The following TMEM11 variants were observed in gnomAD, a reference collection of about 807,000 sequenced individuals.
TMEM11 encodes the protein transmembrane protein 11.
Under a neutral mutation model 17.0 loss-of-function variants are expected in TMEM11, and 1 was observed. The ratio of observed to expected loss-of-function variants is 0.06; its 90% CI spans 0.02 to 0.28. The LOEUF (loss-of-function observed/expected upper bound fraction) is 0.28, where lower values mean the gene tolerates loss of function less well. Among genes scored for constraint, TMEM11 ranks in the 10% least tolerant of loss-of-function variants. The pLI is 1.00. For synonymous variants in TMEM11, 122 were observed against 118.1 expected (o/e 1.03, Z -0.21); for missense variants, 172 against 252.9 (o/e 0.68, Z 2.17).
Position 21,198,149 on chromosome 17 carries a change from A to T in TMEM11, c.*175T>A. On this transcript the variant is annotated 3_prime_UTR_variant, in exon 2 of 2. Transcript: ENST00000317635. The surrounding 1 kb of genome is among the most constrained non-coding windows in gnomAD (Gnocchi z 6.5). Reference sequence around the variant, plus strand: ...CTTGGGTTATGGAAATCCACATCTTAGTGTAATGAGCTGAAAAACCCTGGG... The same window carrying T: ...CTTGGGTTATGGAAATCCACATCTTTGTGTAATGAGCTGAAAAACCCTGGG... The T allele has an allele frequency of 2.6e-6, 2 of 760,378 alleles. No homozygotes were observed. The highest frequency in any genetic ancestry group is 4.1e-6 in the Non-Finnish European group (2 of 488,514). The allele number at this position is 760,378 out of a possible 1,614,324, so 47.1% of individuals were successfully genotyped here.
intron 1 of TMEM11, chr17:21,210,952 A>G (rs1355291605): frequency 3.9e-6 from 5 of 1,284,292 alleles, no homozygotes; most frequent in Non-Finnish European, 5.1e-6. Flanking sequence ...ACAATCACGG[A>G]GGGCTCTGGG....
At chr17:21,208,845 G>A (rs757199556) in intron 1 of TMEM11, among the ~76,000 whole-genome samples, 2 of 152,250 alleles carry the variant, frequency 1.3e-5, no homozygotes, top group Non-Finnish European at 2.9e-5. Flanking sequence ...TGAGCCACAG[G>A]AGTCACAGGA....
chr17:21,211,294 C>T (rs753669633), intron 1 of TMEM11: 53 of 1,186,454 alleles, frequency 4.5e-5, no homozygotes, highest in African/African-American at 9.4e-5. Flanking sequence ...TTCCACCCCT[C>T]CTATCTTAGT....
At chr17:21,202,168 G>A (rs2144292639) in intron 1 of TMEM11, among the ~76,000 whole-genome samples, 1 of 152,322 alleles carries the variant, frequency 6.6e-6, no homozygotes, top group Non-Finnish European at 1.5e-5. Flanking sequence ...AGTCCATCAG[G>A]CAACAGGAGC....
At chr17:21,202,523 C>A (rs1974893615) in intron 1 of TMEM11, among the ~76,000 whole-genome samples, 1 of 152,192 alleles carries the variant, frequency 6.6e-6, no homozygotes. Context: ...GAACCGACTG[C>A]CCCATCTGGA....
chr17:21,198,451 A>G lies in TMEM11; in HGVS notation c.452T>C (p.Leu151Pro). 1 of 1,614,180 alleles carries G rather than the reference A, an allele frequency of 6.2e-7. No individual in the cohort carries two copies. The highest frequency in any genetic ancestry group is 8.5e-7 in the Non-Finnish European group (1 of 1,180,042). ...YKLSRLPLHT[L>P]TSSTPVVLVR... is the part of the protein sequence containing the mutation. ...CAGCACCACCGGGGTGGAGGAGGTG[A>G]GTGTGTGCAGAGGCAGGCGCGACAG... Residue 151 changes from leucine to proline, a missense_variant, in exon 2 of 2, where the codon CTC (leucine) becomes CCC (proline). Transcript: ENST00000317635. The surrounding 1 kb of genome is among the most constrained non-coding windows in gnomAD (Gnocchi z 6.5).
intron 1 of TMEM11, chr17:21,213,776 A>G: frequency 2.8e-6 from 1 of 353,176 alleles, no homozygotes; most frequent in South Asian, 4.4e-5. Flanking sequence ...GCGGGCAGCT[A>G]GGCGGGTCCC....
intron 1 of TMEM11, among the ~76,000 whole-genome samples, chr17:21,204,435 TAAAAAAAAAAAA>T (rs71160127): frequency 1.0e-5 from 1 of 96,842 alleles, no homozygotes; most frequent in Middle Eastern, 5.6e-3. Flanking sequence ...TCCGTCTCAA[TAAAAAAAAAAAA>T]AAAAAAAAAA....
Position 21,198,951 on chromosome 17 carries a change from A to G in TMEM11, c.63-111T>C, listed in dbSNP as rs1370483429. On this transcript the variant is annotated intron_variant, in intron 1 of 1. Transcript: ENST00000317635. This position sits in a 1 kb window ranked among gnomAD's most constrained non-coding sequence, Gnocchi z 6.5. ...GGGGAGGTCTGAGCCTGCACTGCGG[A>G]GAGCACATCTCACTTGGGTCCTCAT... 2 of 1,173,726 alleles carry G rather than the reference A, an allele frequency of 1.7e-6. No individual in the cohort carries two copies. Among genetic ancestry groups the G allele is most frequent in the East Asian group, 2.4e-5 (1 of 41,258 alleles). 72.7% of individuals were successfully genotyped at this position (1,173,726 alleles called of 1,614,324 possible).
At chr17:21,213,996 C>T in intron 1 of TMEM11, 95 bp downstream of exon 1, 2 of 1,216,120 alleles carry the variant, frequency 1.6e-6, no homozygotes, top group South Asian at 1.4e-5. Flanking sequence ...GCGGGGAAAC[C>T]AGGGAAGGAA....
intron 1 of TMEM11, among the ~76,000 whole-genome samples, chr17:21,208,953 C>T (rs769529352): frequency 2.6e-5 from 4 of 152,250 alleles, no homozygotes; most frequent in Non-Finnish European, 2.9e-5. Context: ...ACTTGATCAC[C>T]TATGATACAG....
chr17:21,208,067 A>G (rs1174551351), intron 1 of TMEM11, among the ~76,000 whole-genome samples: 1 of 147,888 alleles, frequency 6.8e-6, no homozygotes, highest in African/African-American at 2.5e-5. Context: ...ATCTTGGCTC[A>G]CTGCAAGCTC....
chr17:21,212,437 CAA>C (rs1336960922), intron 1 of TMEM11, among the ~76,000 whole-genome samples: 1 of 152,298 alleles, frequency 6.6e-6, no homozygotes, highest in Non-Finnish European at 1.5e-5. Context: ...TTGTCCCGAC[CAA>C]AAAGAGTCAG....
At chr17:21,205,370 G>A (rs913663843) in intron 1 of TMEM11, among the ~76,000 whole-genome samples, 7 of 152,110 alleles carry the variant, frequency 4.6e-5, no homozygotes, top group South Asian at 2.1e-4. Context: ...ATTCTAAGGC[G>A]GCAGAGCTCA....
rs1407859086 is a variant in TMEM11, at chr17:21,198,584, T to G, written c.319A>C (p.Ile107Leu). 1 of 1,613,752 alleles carries G rather than the reference T, an allele frequency of 6.2e-7. No homozygotes were observed. Among genetic ancestry groups the G allele is most frequent in the South Asian group, 1.1e-5 (1 of 91,072 alleles). The change falls in exon 2 of 2, where the codon ATT (isoleucine) becomes CTT (leucine). Residue 107 changes from isoleucine (I) to leucine (L), a missense_variant. By Grantham distance (5) the Ile-to-Leu change is conservative. Around this residue, in one of 2 missense-constraint regions of TMEM11, gnomAD observed 123 missense variants for 213.6 expected, o/e 0.58. Coordinates refer to ENST00000317635, the MANE Select transcript of TMEM11 (RefSeq NM_003876.3). This position sits in a 1 kb window ranked among gnomAD's most constrained non-coding sequence, Gnocchi z 6.5. ...CTCAGCACACCAGCGGGCAGGGAAA[T>G]GTAGTGGGAATAATCTAAGGGCAGC... ...LALPLDYSHYISLPAGVLSLA... is the reference protein window; with the variant it reads ...LALPLDYSHYLSLPAGVLSLA...
intron 1 of TMEM11, among the ~76,000 whole-genome samples, chr17:21,211,612 C>T (rs1440523573): frequency 6.6e-6 from 1 of 152,248 alleles, no homozygotes; most frequent in Non-Finnish European, 1.5e-5. Flanking sequence ...ATCCAACACA[C>T]AGCGCCGGCA....
At chr17:21,211,582 T>C (rs542421684) in intron 1 of TMEM11, among the ~76,000 whole-genome samples, 1 of 152,240 alleles carries the variant, frequency 6.6e-6, no homozygotes, top group South Asian at 2.1e-4. Flanking sequence ...ACCCACACGC[T>C]ACACGTGCTA....
intron 1 of TMEM11, among the ~76,000 whole-genome samples, chr17:21,203,694 G>GAAAAAAAAGA (rs11280581): frequency 0.42 from 59,556 of 143,080 alleles, 12,995 homozygotes; most frequent in Non-Finnish European, 0.49. Context: ...ATGACAGAAA[G>GAAAAAAAAGA]AAAAAAAAGA....
chr17:21,213,817 A>T (rs1350306280), intron 1 of TMEM11: 5 of 486,276 alleles, frequency 1.0e-5, no homozygotes, highest in Non-Finnish European at 1.8e-5. Context: ...AGTTCCTTTC[A>T]GCACGGCCCG....
Sources: allele counts gnomAD v4.1 joint callset (sites outside exome capture counted in the v4.1 genomes callset), GRCh38; gene constraint gnomAD v4.1.1; regional missense constraint gnomAD v4.1.1; non-coding constraint Gnocchi (gnomAD v3.1); transcripts MANE v1.5; gene names NCBI Gene and HGNC (gene_info 2026-07-23, HGNC 2026-07-21).